MAK16: variants seen among roughly 807,000 people sequenced by gnomAD.
MAK16 encodes MAK16 homolog.
MAK16 carries 12 observed loss-of-function variants against 49.9 expected under a neutral mutation model. The ratio of observed to expected loss-of-function variants is 0.24; its 90% confidence interval spans 0.15 to 0.39. MAK16 has a LOEUF of 0.39. Among genes scored for constraint, MAK16 ranks in the 10% least tolerant of loss-of-function variants. MAK16 has a pLI of 1.00. For missense variants in MAK16, 292 were observed against 363.7 expected, an observed-to-expected ratio of 0.80 and a Z score of 1.60; for synonymous variants, 115 against 126.4, an observed-to-expected ratio of 0.91 and a Z score of 0.60.
chr8:33,496,896 C>A (rs1420967046), intron 8 of MAK16, among the ~76,000 whole-genome samples, 155 bp downstream of exon 8: 10 of 152,282 alleles, frequency 6.6e-5, no homozygotes, highest in Non-Finnish European at 2.9e-5. Flanking sequence ...CTCTGTTCTT[C>A]AGGCTAACCA....
rs1385658852 is a variant in MAK16 at position 33,497,229 on chromosome 8, T to C, written c.640-3T>C. Reference sequence around the variant, plus strand: ...GAACCTAACAGTTATGTTTTATTTATAGGATGTGGGGAAAAGAGAATTTGT... The same window carrying C: ...GAACCTAACAGTTATGTTTTATTTACAGGATGTGGGGAAAAGAGAATTTGT... On this transcript the variant is annotated splice_polypyrimidine_tract_variant and splice_region_variant and intron_variant, in intron 8 of 9. Transcript: ENST00000360128. 1.2e-6 allele frequency: 2 copies of C among 1,604,822 alleles called. No homozygotes were observed. Among genetic ancestry groups the C allele is most frequent in the African/African-American group, 2.7e-5 (2 of 74,456 alleles).
intron 1 of MAK16, among the ~76,000 whole-genome samples, chr8:33,487,237 C>T (rs928357518): frequency 5.3e-5 from 8 of 152,132 alleles, no homozygotes; most frequent in Non-Finnish European, 1.2e-4. Context: ...TACTTTCTTT[C>T]ATTCAGCAAA....
chr8:33,488,666 C>G (rs778616893), intron 3 of MAK16, 37 bp downstream of exon 3: 1 of 1,611,506 alleles, frequency 6.2e-7, no homozygotes, highest in Admixed American at 1.7e-5. Context: ...AGAACTGCTC[C>G]ACAGCTTTTA....
chr8:33,498,851 AG>A lies in MAK16; in HGVS notation c.*223del. 1.7e-6 allele frequency: 1 copy of A among 594,122 alleles called. No homozygotes were observed. The highest frequency in any genetic ancestry group is 3.0e-6 in the Non-Finnish European group (1 of 338,638). 36.8% of individuals were successfully genotyped at this position (594,122 alleles called of 1,614,324 possible). On this transcript the variant is annotated 3_prime_UTR_variant, in exon 10 of 10. Transcript: ENST00000360128. ...AGTGTTTTTATAGCATATGTGTTGA[AG>A]TAACAGCTTGTGCCCGAGAAACTTA...
In MAK16 at chr8:33,485,188, A is replaced by T; in HGVS notation, c.-19A>T. ...CGCCCGCGATCCGACCGGAAGTTGC[A>T]CGCTGAGCCGCGGACACCATGCAGT... is the stretch of plus-strand genomic sequence containing the variant. On this transcript the variant is annotated 5_prime_UTR_variant, in exon 1 of 10. Transcript: ENST00000360128. 1 of 1,614,106 alleles carries T rather than the reference A, an allele frequency of 6.2e-7. No homozygotes were observed. The highest frequency in any genetic ancestry group is 8.5e-7 in the Non-Finnish European group (1 of 1,180,028).
At chr8:33,497,717 C>G (rs1368419816) in intron 9 of MAK16, among the ~76,000 whole-genome samples, 3 of 150,726 alleles carry the variant, frequency 2.0e-5, no homozygotes, top group Non-Finnish European at 3.0e-5. Context: ...TGGTCTAGAA[C>G]TCCAGACCTC....
In MAK16 at chr8:33,489,235, A is replaced by C; in HGVS notation, c.392+96A>C. 8.9e-7 allele frequency: 1 copy of C among 1,128,382 alleles called. No individual in the cohort carries two copies. The highest frequency in any genetic ancestry group is 1.3e-6 in the Non-Finnish European group (1 of 787,722). The allele number at this position is 1,128,382 out of a possible 1,614,324, so 69.9% of individuals were successfully genotyped here. A position where few individuals can be genotyped will look rare whatever the true frequency, so the allele number is the denominator to read the frequency against. On this transcript the variant is annotated intron_variant, in intron 5 of 9. Coordinates refer to ENST00000360128, the MANE Select transcript of MAK16 (RefSeq NM_032509.4). This position sits in a 1 kb window ranked among gnomAD's most constrained non-coding sequence, Gnocchi z 4.2. ...GTGAAACTTCGGGGCTTTCTATTCA[A>C]CTTTGTGGAGTCTGTTATGATGTAC...
At chr8:33,495,684 AATTTTTTTTTTTTTTTTT>A in intron 7 of MAK16, 68 bp downstream of exon 7, 4 of 331,652 alleles carry the variant, frequency 1.2e-5, no homozygotes, top group South Asian at 6.2e-5. Flanking sequence ...ACATATTGGG[AATTTTTTTTTTTTTTTTT>A]TTTTTTTTTT....
Position 33,499,374 on chromosome 8 carries a change from G to A in MAK16, c.*745G>A. On this transcript the variant is annotated 3_prime_UTR_variant, in exon 10 of 10. Transcript: ENST00000360128. ...CTTCCTTGGTATCATATTCAAAGGA[G>A]GAAAGAATGGATGACACTTAGGGAC... The A allele has an allele frequency of 1.2e-6, 1 of 868,312 alleles. No individual in the cohort carries two copies. The highest frequency in any genetic ancestry group is 1.9e-6 in the Non-Finnish European group (1 of 526,364). The allele number at this position is 868,312 out of a possible 1,614,324, so 53.8% of individuals were successfully genotyped here.
At chr8:33,493,995 CGT>C (rs57324607) in intron 6 of MAK16, among the ~76,000 whole-genome samples, 8,369 of 151,708 alleles carry the variant, frequency 0.055, 386 homozygotes, top group African/African-American at 0.13. Flanking sequence ...ACAGATTAAG[CGT>C]ATTTATTTTT....
In MAK16 at chr8:33,497,255, C is replaced by T. The variant is rs772506954; in HGVS notation, c.663C>T (p.Val221=). The change falls in exon 9 of 10, where the codon GTC becomes GTT. Residue 221 remains valine, a synonymous_variant. Transcript: ENST00000360128. ...AGGATGTGGGGAAAAGAGAATTTGT[C>T]GAAGATGGTGAGGTAGATGAGAGTG... The part of the protein sequence containing the change: ...DEEDVGKREF[V]EDGEVDESDI... 3.2e-5 allele frequency: 51 copies of T among 1,606,750 alleles called. No individual in the cohort carries two copies. Among genetic ancestry groups the T allele is most frequent in the South Asian group, 7.7e-5 (7 of 90,888 alleles).
At chr8:33,486,950 C>A (rs141671913) in intron 1 of MAK16, among the ~76,000 whole-genome samples, 105 of 152,316 alleles carry the variant, frequency 6.9e-4, no homozygotes, top group African/African-American at 2.4e-3. Context: ...CTTAAAGCCA[C>A]AAGCCTAAAA....
In MAK16 at chr8:33,489,089, C is replaced by T. The variant is rs938854700; in HGVS notation, c.342C>T (p.Thr114=). Reference sequence around the variant, plus strand: ...GACACAAATGTAAGCAGAGATTCACCAAGATCACCCAATACCTAATTCGAA... The same window carrying T: ...GACACAAATGTAAGCAGAGATTCACTAAGATCACCCAATACCTAATTCGAA... ...FIRHKCKQRF[T]KITQYLIRIR... Residue 114 remains threonine (T), a synonymous_variant, in exon 5 of 10, where the codon ACC becomes ACT. Transcript: ENST00000360128. The surrounding 1 kb of genome is among the most constrained non-coding windows in gnomAD (Gnocchi z 4.2). 1.2e-6 allele frequency: 2 copies of T among 1,613,714 alleles called. No homozygotes were observed. Among genetic ancestry groups the T allele is most frequent in the Middle Eastern group, 3.3e-4 (2 of 6,060 alleles).
rs1196613571 is a variant in MAK16 at position 33,489,285 on chromosome 8, A to G, written c.392+146A>G. 2 of 668,208 alleles carry G rather than the reference A, an allele frequency of 3.0e-6. No homozygotes were observed. Among genetic ancestry groups the G allele is most frequent in the African/African-American group, 1.8e-5 (1 of 55,050 alleles). The allele number at this position is 668,208 out of a possible 1,614,324, so 41.4% of individuals were successfully genotyped here. A position where few individuals can be genotyped will look rare whatever the true frequency, so the allele number is the denominator to read the frequency against. On this transcript the variant is annotated intron_variant, in intron 5 of 9. Transcript: ENST00000360128. The surrounding 1 kb of genome is among the most constrained non-coding windows in gnomAD (Gnocchi z 4.2). ...CTAAAGAGAAACTTTAGCTTTGACT[A>G]AAGGTGTGCCCTTTGATATGGCAGG...
chr8:33,488,678 A>G (rs1808724766), intron 3 of MAK16, 49 bp downstream of exon 3: 1 of 1,611,320 alleles, frequency 6.2e-7, no homozygotes, highest in Non-Finnish European at 8.5e-7. Context: ...CAGCTTTTAC[A>G]GGGATGTTCT....
At chr8:33,497,358 A>C (rs1585317719) in intron 9 of MAK16, 61 bp downstream of exon 9, 2 of 1,195,178 alleles carry the variant, frequency 1.7e-6, no homozygotes, top group East Asian at 2.4e-5. Flanking sequence ...AAAAAAACAA[A>C]AACAGGGAGG....
chr8:33,488,599 A>C lies in MAK16; in HGVS notation c.145A>C (p.Ser49Arg). The C allele has an allele frequency of 6.2e-7, 1 of 1,614,176 alleles. No homozygotes were observed. The highest frequency in any genetic ancestry group is 8.5e-7 in the Non-Finnish European group (1 of 1,180,018). The part of the protein sequence containing the change: ...CNRSSCPLAN[S>R]QYATIKEEKG... Reference sequence around the variant, plus strand: ...TCGGTCATCCTGTCCCCTGGCAAATAGTCAGTATGCCACTATTAAAGAAGA... The same window carrying C: ...TCGGTCATCCTGTCCCCTGGCAAATCGTCAGTATGCCACTATTAAAGAAGA... The change falls in exon 3 of 10, where the codon AGT (serine) becomes CGT (arginine). Residue 49 changes from serine to arginine, a missense_variant. By Grantham distance (110) the Ser-to-Arg change is moderately radical. Transcript: ENST00000360128.
At chr8:33,494,044 AT>A (rs1808817827) in intron 6 of MAK16, among the ~76,000 whole-genome samples, 1 of 152,120 alleles carries the variant, frequency 6.6e-6, no homozygotes, top group Non-Finnish European at 1.5e-5. Flanking sequence ...AGATTGGCAA[AT>A]TTGGAATATT....
In MAK16 at chr8:33,486,070, G is replaced by C. The variant is rs1808682190; in HGVS notation, c.15+849G>C. ...TGAAGATATGAGAGAATGAATATAAGGGTCATCAAAGTGACAATGTAAGAC... is the reference window on the plus strand; with the variant it reads ...TGAAGATATGAGAGAATGAATATAACGGTCATCAAAGTGACAATGTAAGAC... On this transcript the variant is annotated intron_variant, in intron 1 of 9. Transcript: ENST00000360128. Among the ~76,000 whole-genome samples, 3 of 152,172 alleles carry C rather than the reference G, an allele frequency of 2.0e-5. No individual in the cohort carries two copies. In the South Asian group the frequency reaches 6.2e-4, roughly 31 times the overall value.
Sources: allele counts gnomAD v4.1 joint callset (sites outside exome capture counted in the v4.1 genomes callset), GRCh38; gene constraint gnomAD v4.1.1; non-coding constraint Gnocchi (gnomAD v3.1); transcripts MANE v1.5; gene names NCBI Gene and HGNC (gene_info 2026-07-23, HGNC 2026-07-21).